Variants in CTNNA2 observed in about 807,000 individuals in gnomAD.
The protein encoded by CTNNA2 is catenin alpha-2.
CTNNA2 carries 42 observed loss-of-function variants against 101.0 expected under a neutral mutation model. The ratio of observed to expected loss-of-function variants is 0.42; its 90% CI spans 0.32 to 0.54. The LOEUF (loss-of-function observed/expected upper bound fraction) is 0.54. CTNNA2 is among the 20% of genes least tolerant of loss of function. The pLI is 0.14. For synonymous variants in CTNNA2, 450 were observed against 456.4 expected (o/e 0.99, Z 0.18); for missense variants, 871 against 1,223.1 (o/e 0.71, Z 4.29).
At position 80,485,634 on chromosome 2, in the gene CTNNA2, T is replaced by G. The variant is rs190385128; in HGVS notation, c.1291-59348T>G. On this transcript the variant is annotated intron_variant, in intron 9 of 18. Transcript: ENST00000402739. Reference sequence around the variant, plus strand: ...CAAGAATGGAAGCAAGGTTTTAACCTTTAGTTTTAATAAATATTTTTTATT... The same window carrying G: ...CAAGAATGGAAGCAAGGTTTTAACCGTTAGTTTTAATAAATATTTTTTATT... Among the ~76,000 whole-genome samples, 6 of 152,358 alleles carry G rather than the reference T, an allele frequency of 3.9e-5. No homozygotes were observed. The East Asian group carries it at 1.2e-3, about 29-fold the overall frequency.
intron 3 of CTNNA2, among the ~76,000 whole-genome samples, chr2:79,831,746 T>A: frequency 2.3e-5 from 1 of 42,576 alleles, no homozygotes; most frequent in East Asian, 3.4e-4. Flanking sequence ...GAGTACACAT[T>A]TTTTTTTTAA....
At chr2:79,514,056 T>A (rs1260198949) in intron 1 of CTNNA2, among the ~76,000 whole-genome samples, 1 of 152,178 alleles carries the variant, frequency 6.6e-6, no homozygotes, top group East Asian at 1.9e-4. Flanking sequence ...AACCCGTGTG[T>A]CCTTGGTCCT....
At chr2:80,463,662 A>T (rs1228138403) in intron 9 of CTNNA2, among the ~76,000 whole-genome samples, 1 of 152,200 alleles carries the variant, frequency 6.6e-6, no homozygotes, top group Non-Finnish European at 1.5e-5. Flanking sequence ...GTGATGAAGC[A>T]TTTCCAATAC....
chr2:79,388,185 G>A (rs911098251), intron 4 of CTNNA2, among the ~76,000 whole-genome samples: 1 of 152,296 alleles, frequency 6.6e-6, no homozygotes, highest in South Asian at 2.1e-4. Flanking sequence ...AAACAGCAAA[G>A]GTTTATTTGT....
chr2:80,223,734 A>G (rs914315029), intron 7 of CTNNA2, among the ~76,000 whole-genome samples: 12 of 152,204 alleles, frequency 7.9e-5, no homozygotes, highest in Admixed American at 3.3e-4. Context: ...TTTGCTTTCT[A>G]CAGAATGAAC....
intron 2 of CTNNA2, among the ~76,000 whole-genome samples, chr2:79,704,216 T>G (rs1685195722): frequency 6.6e-6 from 1 of 152,192 alleles, no homozygotes; most frequent in African/African-American, 2.4e-5. Context: ...TAGGTCAGCC[T>G]TTTAAGAGGT....
intron 14 of CTNNA2, among the ~76,000 whole-genome samples, chr2:80,585,815 A>C (rs756799054): frequency 3.3e-5 from 5 of 152,154 alleles, no homozygotes; most frequent in African/African-American, 7.2e-5. Flanking sequence ...GTTTCAGAAA[A>C]GGTCAATTAT....
intron 2 of CTNNA2, among the ~76,000 whole-genome samples, chr2:79,674,798 A>C (rs1269375887): frequency 2.6e-5 from 4 of 152,214 alleles, no homozygotes; most frequent in Admixed American, 1.3e-4. Flanking sequence ...ACCAAAACCG[A>C]AATTCAAGAA....
chr2:79,326,227 G>C (rs1359543597), intron 3 of CTNNA2, among the ~76,000 whole-genome samples: 2 of 148,148 alleles, frequency 1.3e-5, no homozygotes, highest in African/African-American at 5.0e-5. Context: ...TGAGGGATGT[G>C]AAAAGGAAAA....
intron 1 of CTNNA2, among the ~76,000 whole-genome samples, chr2:79,617,407 A>G (rs1678699871): frequency 6.6e-6 from 1 of 151,796 alleles, no homozygotes; most frequent in Admixed American, 6.6e-5. Flanking sequence ...AAATTCTCTT[A>G]TTTCCCATGG....
At chr2:79,993,070 A>G (rs1363943282) in intron 7 of CTNNA2, among the ~76,000 whole-genome samples, 1 of 150,594 alleles carries the variant, frequency 6.6e-6, no homozygotes, top group Non-Finnish European at 1.5e-5. Flanking sequence ...CTTGCAATTT[A>G]TTTGAGGGGA....
chr2:80,325,356 T>A (rs937080360), intron 7 of CTNNA2, among the ~76,000 whole-genome samples: 1 of 152,208 alleles, frequency 6.6e-6, no homozygotes, highest in Non-Finnish European at 1.5e-5. Flanking sequence ...AATTAAATGA[T>A]CTAATCCATT....
intron 12 of CTNNA2, among the ~76,000 whole-genome samples, chr2:80,562,439 G>A (rs1693691163): frequency 6.6e-6 from 1 of 152,102 alleles, no homozygotes; most frequent in Non-Finnish European, 1.5e-5. Context: ...CCATCAGAAT[G>A]GCAAAAATCC....
upstream of CTNNA2, among the ~76,000 whole-genome samples, chr2:79,508,660 C>G (rs764603495): frequency 6.6e-6 from 1 of 151,956 alleles, no homozygotes; most frequent in Non-Finnish European, 1.5e-5. Context: ...AGCAAGTATA[C>G]AGCTCTATTT....
At chr2:80,290,938 C>T (rs1558973545) in intron 7 of CTNNA2, among the ~76,000 whole-genome samples, 1 of 152,228 alleles carries the variant, frequency 6.6e-6, no homozygotes, top group Admixed American at 6.5e-5. Context: ...TTCCCAACAG[C>T]TCTAGCATTC....
chr2:80,109,446 G>A (rs747716890), intron 7 of CTNNA2, among the ~76,000 whole-genome samples: 5 of 151,726 alleles, frequency 3.3e-5, no homozygotes, highest in Non-Finnish European at 7.3e-5. Flanking sequence ...GGGTGACAGA[G>A]TGAGACTCTG....
At chr2:79,412,538 A>C (rs997173699) in intron 4 of CTNNA2, among the ~76,000 whole-genome samples, 7 of 152,012 alleles carry the variant, frequency 4.6e-5, no homozygotes, top group Admixed American at 1.3e-4. Flanking sequence ...AAATTATAAC[A>C]AACTGTCTCT....
At chr2:80,253,898 G>T (rs1671947913) in intron 7 of CTNNA2, among the ~76,000 whole-genome samples, 1 of 152,148 alleles carries the variant, frequency 6.6e-6, no homozygotes, top group African/African-American at 2.4e-5. Flanking sequence ...GTTTATCAGA[G>T]AATGTATATT....
intron 1 of CTNNA2, among the ~76,000 whole-genome samples, chr2:79,194,630 C>G (rs545494508): frequency 1.3e-5 from 2 of 152,294 alleles, no homozygotes; most frequent in Admixed American, 6.5e-5. Flanking sequence ...TTGCTAACCA[C>G]CAGGGCAGAT....
Sources: gnomAD v4.1 joint callset for allele counts (sites outside exome capture counted in the v4.1 genomes callset) on GRCh38, gnomAD v4.1.1 for gene constraint, MANE v1.5 for transcripts, NCBI Gene and HGNC (gene_info 2026-07-23, HGNC 2026-07-21) for gene names.